MDGA2: variants seen among roughly 807,000 people sequenced by gnomAD.
MDGA2 encodes MAM domain containing glycosylphosphatidylinositol anchor 2.
A neutral mutation model predicts 117.8 loss-of-function variants in MDGA2; 40 were observed. The observed-to-expected ratio is 0.34, with a 90% CI of 0.26 to 0.44. The LOEUF is 0.44. Ranked by LOEUF, MDGA2 falls within the 20% of genes least tolerant of loss-of-function variation. The probability of loss-of-function intolerance (pLI) is 1.00; values close to 1 mark genes in which losing one functional copy is unlikely to be tolerated. For missense variants in MDGA2, 1,123 were observed against 1,250.6 expected, an observed-to-expected ratio of 0.90 and a Z score of 1.54; for synonymous variants, 452 against 439.0, an observed-to-expected ratio of 1.03 and a Z score of -0.37.
intron 9 of MDGA2, among the ~76,000 whole-genome samples, chr14:46,951,437 A>T (rs1338742606): frequency 6.6e-6 from 1 of 151,984 alleles, no homozygotes; most frequent in African/African-American, 2.4e-5. Context: ...AACAGAACCT[A>T]AAAAATGTTA....
At chr14:46,897,620 A>C (rs1241687609) in intron 10 of MDGA2, among the ~76,000 whole-genome samples, 1 of 96,392 alleles carries the variant, frequency 1.0e-5, no homozygotes, top group Non-Finnish European at 2.5e-5. Flanking sequence ...AAAAGAATTA[A>C]TATATATAAA....
chr14:47,366,601 G>T (rs1891235682), intron 1 of MDGA2, among the ~76,000 whole-genome samples: 1 of 151,824 alleles, frequency 6.6e-6, no homozygotes, highest in Non-Finnish European at 1.5e-5. Flanking sequence ...CTCAATAAAA[G>T]GGACAGTATA....
intron 1 of MDGA2, among the ~76,000 whole-genome samples, chr14:47,429,406 A>G (rs1245857056): frequency 6.6e-6 from 1 of 151,964 alleles, no homozygotes; most frequent in African/African-American, 2.4e-5. Flanking sequence ...CAAATATAAC[A>G]CAGGTAATGG....
At chr14:46,867,542 T>C (rs1029168595) in intron 14 of MDGA2, among the ~76,000 whole-genome samples, 1 of 152,018 alleles carries the variant, frequency 6.6e-6, no homozygotes, top group Non-Finnish European at 1.5e-5. Flanking sequence ...TAAAGTATAA[T>C]AATAATAAAA....
chr14:47,365,158 C>T (rs1891205828), intron 1 of MDGA2, among the ~76,000 whole-genome samples: 1 of 152,220 alleles, frequency 6.6e-6, no homozygotes, highest in Admixed American at 6.5e-5. Flanking sequence ...CTTTCATCTC[C>T]ATCCGCCTCT....
intron 9 of MDGA2, among the ~76,000 whole-genome samples, chr14:46,950,175 G>A (rs1350754091): frequency 1.3e-5 from 2 of 151,760 alleles, no homozygotes; most frequent in Non-Finnish European, 2.9e-5. Flanking sequence ...ATAAGTGATA[G>A]CATTAACTTC....
At chr14:47,439,776 T>C (rs1244390251) in intron 1 of MDGA2, among the ~76,000 whole-genome samples, 1 of 151,314 alleles carries the variant, frequency 6.6e-6, no homozygotes, top group African/African-American at 2.4e-5. Context: ...TTGTATGTAC[T>C]CGAGTACCTA....
chr14:47,409,828 T>A (rs201273986), intron 1 of MDGA2, among the ~76,000 whole-genome samples: 2 of 152,144 alleles, frequency 1.3e-5, no homozygotes, highest in East Asian at 3.9e-4. Context: ...TTAATTTACG[T>A]CCCCCGCTTT....
At chr14:46,868,399 T>C (rs149648049) in intron 14 of MDGA2, among the ~76,000 whole-genome samples, 122 of 152,040 alleles carry the variant, frequency 8.0e-4, no homozygotes, top group African/African-American at 2.8e-3. Context: ...GAGACATCAT[T>C]TCTACTCCCA....
At chr14:47,595,155 T>G (rs1006692189) in intron 1 of MDGA2, among the ~76,000 whole-genome samples, 1 of 152,124 alleles carries the variant, frequency 6.6e-6, no homozygotes, top group African/African-American at 2.4e-5. Flanking sequence ...AAAGGCCTGT[T>G]GTATTTGGAC....
intron 1 of MDGA2, among the ~76,000 whole-genome samples, chr14:47,394,279 G>A (rs999854727): frequency 2.6e-5 from 4 of 152,066 alleles, no homozygotes; most frequent in Non-Finnish European, 5.9e-5. Context: ...CTGAGGTTTT[G>A]CATAAACAAC....
chr14:47,283,923 G>C (rs1448627220), intron 2 of MDGA2, among the ~76,000 whole-genome samples: 2 of 152,132 alleles, frequency 1.3e-5, no homozygotes, highest in Non-Finnish European at 2.9e-5. Flanking sequence ...AAGCTGGAAA[G>C]TATGCAAATC....
chr14:47,361,203 C>CTATATA (rs1301586706), intron 1 of MDGA2, among the ~76,000 whole-genome samples: 2 of 130,140 alleles, frequency 1.5e-5, no homozygotes, highest in East Asian at 5.0e-4. Flanking sequence ...CTCTCTCTCT[C>CTATATA]TCTCTATATA....
chr14:47,623,796 C>A (rs967225990), intron 1 of MDGA2, among the ~76,000 whole-genome samples: 9 of 152,146 alleles, frequency 5.9e-5, no homozygotes, highest in African/African-American at 2.2e-4. Context: ...CAAACTATTA[C>A]CCCTTTGATG....
chr14:46,930,114 GA>G lies in MDGA2; in HGVS notation c.2090-9955del, dbSNP rs35314428. ...TCATGAGTATGCAACACCCAAAGAA[GA>G]AAAAAAAACTGAAAAGATTGAGAAG... On this transcript the variant is annotated intron_variant, in intron 9 of 16. Transcript: ENST00000399232. Among the ~76,000 whole-genome samples, 257 of 150,594 alleles carry G rather than the reference GA, an allele frequency of 1.7e-3. 1 individual carries two copies. Among genetic ancestry groups the G allele is most frequent in the African/African-American group, 5.9e-3 (241 of 40,966 alleles).
In MDGA2 at chr14:47,411,019, T is replaced by G. The variant is rs1037854546; in HGVS notation, c.281-109469A>C. Reference sequence around the variant, plus strand: ...TCTAGGGCTTGAAAGTTCACCATAATGTGTTTGGCAGGCCACTGGCTTAGT... The same window carrying G: ...TCTAGGGCTTGAAAGTTCACCATAAGGTGTTTGGCAGGCCACTGGCTTAGT... On this transcript the variant is annotated intron_variant, in intron 1 of 16. Coordinates refer to ENST00000399232, the MANE Select transcript of MDGA2 (RefSeq NM_001113498.3). Among the ~76,000 whole-genome samples the G allele has an allele frequency of 2.6e-5, 4 of 152,130 alleles. No individual in the cohort carries two copies. The South Asian group carries it at 8.3e-4, about 32-fold the overall frequency.
At chr14:46,993,712 C>T (rs1347905058) in intron 8 of MDGA2, among the ~76,000 whole-genome samples, 1 of 152,142 alleles carries the variant, frequency 6.6e-6, no homozygotes, top group Non-Finnish European at 1.5e-5. Context: ...CCGCCAATCT[C>T]GGCCTCCCAG....
At chr14:47,633,809 C>T (rs1271815264) in intron 1 of MDGA2, among the ~76,000 whole-genome samples, 1 of 152,130 alleles carries the variant, frequency 6.6e-6, no homozygotes, top group Non-Finnish European at 1.5e-5. Flanking sequence ...TAATTCTTCC[C>T]TGGGTCTAAG....
chr14:47,546,805 G>A (rs545928232), intron 1 of MDGA2, among the ~76,000 whole-genome samples: 1 of 152,178 alleles, frequency 6.6e-6, no homozygotes, highest in South Asian at 2.1e-4. Flanking sequence ...CTAGCTCCTG[G>A]GTTATTCCCT....
Sources: allele counts gnomAD v4.1 joint callset (sites outside exome capture counted in the v4.1 genomes callset), GRCh38; gene constraint gnomAD v4.1.1; transcripts MANE v1.5; gene names NCBI Gene and HGNC (gene_info 2026-07-23, HGNC 2026-07-21).